VPS54: variants seen among roughly 807,000 people sequenced by gnomAD.
VPS54 encodes the protein vacuolar protein sorting-associated protein 54.
VPS54 carries 45 observed loss-of-function variants against 121.5 expected under a neutral mutation model. That is an observed-to-expected ratio of 0.37 (90% CI 0.29 to 0.47). The LOEUF is 0.47. Among genes scored for constraint, VPS54 ranks in the 20% least tolerant of loss-of-function variants. The probability of loss-of-function intolerance (pLI) is 0.99; values close to 1 mark genes in which losing one functional copy is unlikely to be tolerated. For missense variants in VPS54, 1,090 were observed against 1,131.4 expected (o/e 0.96, Z 0.52); for synonymous variants, 371 against 385.8 (o/e 0.96, Z 0.45).
rs1317461893 is a variant in VPS54, at chr2:63,899,526, A to G, written c.2681T>C (p.Met894Thr). 2 of 1,613,736 alleles carry G rather than the reference A, an allele frequency of 1.2e-6. No individual in the cohort carries two copies. The highest frequency in any genetic ancestry group is 1.7e-6 in the Non-Finnish European group (2 of 1,179,952). The change falls in exon 21 of 23, where the codon ATG becomes ACG. Residue 894 changes from methionine to threonine, a missense_variant. Physicochemically the swap from Met to Thr is moderately conservative, Grantham distance 81 (BLOSUM62 -1). Around this residue, in one of 2 missense-constraint regions of VPS54, gnomAD observed 289 missense variants for 374.4 expected, o/e 0.77. Transcript: ENST00000272322. ...SACFRNICKQ[M>T]TKMHEAIFDL... ...AAATATAGCTTCGTGCATTTTTGTC[A>G]TTTGCTTACAAATATTCCTGAAACA... is the stretch of plus-strand genomic sequence containing the variant.
intron 1 of VPS54, among the ~76,000 whole-genome samples, chr2:64,007,660 T>C (rs1324259572): frequency 6.6e-6 from 1 of 152,160 alleles, no homozygotes; most frequent in African/African-American, 2.4e-5. Context: ...AATGAATTAG[T>C]AGATAACTAC....
chr2:63,898,923 G>T (rs1672554411), intron 21 of VPS54, among the ~76,000 whole-genome samples: 1 of 152,162 alleles, frequency 6.6e-6, no homozygotes, highest in Non-Finnish European at 1.5e-5. Context: ...AGGGAATACA[G>T]TAGCGATAGA....
chr2:63,990,924 C>A (rs1160220331), intron 1 of VPS54, among the ~76,000 whole-genome samples: 1 of 152,146 alleles, frequency 6.6e-6, no homozygotes, highest in Non-Finnish European at 1.5e-5. Flanking sequence ...GTACTGAGGT[C>A]ATTTTGCTTC....
chr2:63,988,286 A>G (rs1235854523), intron 1 of VPS54, among the ~76,000 whole-genome samples: 1 of 152,106 alleles, frequency 6.6e-6, no homozygotes, highest in Non-Finnish European at 1.5e-5. Context: ...TTTCTCCTTC[A>G]TTCTCTTGAT....
intron 11 of VPS54, among the ~76,000 whole-genome samples, chr2:63,939,586 T>C (rs1674623353): frequency 6.6e-6 from 1 of 152,152 alleles, no homozygotes; most frequent in Non-Finnish European, 1.5e-5. Context: ...TACTTCTCTT[T>C]GTAGAAAATT....
intron 7 of VPS54, among the ~76,000 whole-genome samples, chr2:63,961,629 A>T (rs763580462): frequency 6.6e-6 from 1 of 152,194 alleles, no homozygotes; most frequent in Non-Finnish European, 1.5e-5. Context: ...TTTCTTTTGC[A>T]ATTTGATAAA....
intron 1 of VPS54, among the ~76,000 whole-genome samples, chr2:64,010,244 G>A (rs1678368508): frequency 1.3e-5 from 2 of 152,172 alleles, no homozygotes; most frequent in Non-Finnish European, 2.9e-5. Context: ...GAGCTGGACA[G>A]AGCTTTTTTG....
chr2:63,983,785 T>A (rs1221386243), intron 2 of VPS54, 79 bp downstream of exon 2: 1 of 1,478,948 alleles, frequency 6.8e-7, no homozygotes, highest in Non-Finnish European at 9.0e-7. Flanking sequence ...TCTTCTAACG[T>A]TGGTATATAA....
intron 16 of VPS54, among the ~76,000 whole-genome samples, chr2:63,914,631 G>C (rs769929435): frequency 3.9e-5 from 6 of 152,102 alleles, no homozygotes; most frequent in African/African-American, 1.4e-4. Context: ...GCTTCAGTAA[G>C]ACAGGTATTG....
At chr2:63,900,418 A>G (rs1016087876) in intron 20 of VPS54, among the ~76,000 whole-genome samples, 9 of 152,154 alleles carry the variant, frequency 5.9e-5, no homozygotes, top group African/African-American at 1.7e-4. Context: ...TCATTTTACT[A>G]TTCTTACATA....
chr2:64,005,089 C>CTTTTTTTTTTTTTTTTTTTTTTTTTT lies in VPS54; in HGVS notation c.-21+13823_-21+13848dup, dbSNP rs764515091. ...TACCATGCCCAGTCTACTATTGCTTCTTTTTTTTTTTTTTTTTTTTTTTTT... is the reference window on the plus strand; with the variant it reads ...TACCATGCCCAGTCTACTATTGCTTCTTTTTTTTTTTTTTTTTTTTTTTTTTTTTTTTTTTTTTTTTTTTTTTTTTT... On this transcript the variant is annotated intron_variant, in intron 1 of 22. Coordinates refer to ENST00000272322, the MANE Select transcript of VPS54 (RefSeq NM_016516.3). Among the ~76,000 whole-genome samples, 4 of 44,104 alleles carry CTTTTTTTTTTTTTTTTTTTTTTTTTT rather than the reference C, an allele frequency of 9.1e-5. 2 individuals are homozygous for CTTTTTTTTTTTTTTTTTTTTTTTTTT. The highest frequency in any genetic ancestry group is 1.6e-4 in the Non-Finnish European group (4 of 25,212). 28.9% of individuals were successfully genotyped at this position (44,104 alleles called of 152,430 possible). A position where few individuals can be genotyped will look rare whatever the true frequency, so the allele number is the denominator to read the frequency against.
intron 16 of VPS54, among the ~76,000 whole-genome samples, chr2:63,915,667 A>G (rs879287654): frequency 2.0e-5 from 3 of 152,146 alleles, no homozygotes; most frequent in African/African-American, 7.2e-5. Context: ...GAGGGAAATC[A>G]TAATTATATT....
intron 3 of VPS54, among the ~76,000 whole-genome samples, chr2:63,978,341 A>G (rs948565186): frequency 6.6e-6 from 1 of 152,228 alleles, no homozygotes; most frequent in Non-Finnish European, 1.5e-5. Context: ...AGGATGAAGC[A>G]AGCAAGAAGC....
At chr2:64,012,967 A>C (rs1435945100) in intron 1 of VPS54, among the ~76,000 whole-genome samples, 1 of 152,254 alleles carries the variant, frequency 6.6e-6, no homozygotes, top group African/African-American at 2.4e-5. Flanking sequence ...TAAAAGTAGA[A>C]GGAATGCAAA....
intron 22 of VPS54, among the ~76,000 whole-genome samples, chr2:63,894,714 A>AG (rs1310422887): frequency 2.0e-5 from 3 of 152,038 alleles, no homozygotes; most frequent in Non-Finnish European, 4.4e-5. Flanking sequence ...AAAAAAAAAA[A>AG]AGGTTGTTTG....
chr2:63,911,163 G>A (rs571649059), intron 20 of VPS54, among the ~76,000 whole-genome samples: 72 of 152,284 alleles, frequency 4.7e-4, no homozygotes, highest in African/African-American at 1.5e-3. Flanking sequence ...GAAGAATGCT[G>A]TATATCAAAA....
At chr2:64,005,309 T>C (rs1429623777) in intron 1 of VPS54, among the ~76,000 whole-genome samples, 2 of 150,864 alleles carry the variant, frequency 1.3e-5, no homozygotes, top group Non-Finnish European at 2.9e-5. Context: ...TTCACCGTGT[T>C]AGCCAAGATG....
chr2:63,900,848 T>C (rs1407226450), intron 20 of VPS54, among the ~76,000 whole-genome samples: 1 of 152,092 alleles, frequency 6.6e-6, no homozygotes, highest in East Asian at 1.9e-4. Flanking sequence ...TTGCAACCTC[T>C]GCCTCCCAGG....
At chr2:63,969,656 G>A (rs1250033991) in intron 4 of VPS54, among the ~76,000 whole-genome samples, 1 of 152,048 alleles carries the variant, frequency 6.6e-6, no homozygotes, top group East Asian at 1.9e-4. Context: ...AATAACAGTA[G>A]AAATAAAGTG....
Sources: gnomAD v4.1 joint callset for allele counts (sites outside exome capture counted in the v4.1 genomes callset) on GRCh38, gnomAD v4.1.1 for gene constraint, gnomAD v4.1.1 regional missense constraint, MANE v1.5 for transcripts, NCBI Gene and HGNC (gene_info 2026-07-23, HGNC 2026-07-21) for gene names.